CTH: variants seen among roughly 807,000 people sequenced by gnomAD.
CTH encodes cystathionase (cystathionine gamma-lyase).
In CTH, 41 loss-of-function variants were observed where a neutral mutation model predicts 50.6. The observed-to-expected ratio is 0.81, with a 90% CI of 0.63 to 1.05. The LOEUF (loss-of-function observed/expected upper bound fraction) is 1.05, where lower values mean the gene tolerates loss of function less well. Among genes scored for constraint, CTH ranks in the 50% least tolerant of loss-of-function variants. The pLI, the probability that CTH is intolerant of heterozygous loss-of-function variation, is 0.00. For synonymous variants in CTH, 156 were observed against 168.9 expected, an observed-to-expected ratio of 0.92 and a Z score of 0.59; for missense variants, 470 against 492.6, an observed-to-expected ratio of 0.95 and a Z score of 0.43.
chr1:70,430,445 T>C, intron 7 of CTH, 51 bp downstream of exon 7: 1 of 878,254 alleles, frequency 1.1e-6, no homozygotes, highest in South Asian at 1.3e-5. Flanking sequence ...TGACTACATT[T>C]GATATTTGTA....
intron 3 of CTH, among the ~76,000 whole-genome samples, chr1:70,419,185 T>C (rs1388081442): frequency 6.6e-6 from 1 of 152,106 alleles, no homozygotes; most frequent in Non-Finnish European, 1.5e-5. Flanking sequence ...TAGTATTCCA[T>C]GTGTATATGT....
intron 4 of CTH, among the ~76,000 whole-genome samples, chr1:70,423,885 A>G (rs1018976791): frequency 6.6e-6 from 1 of 152,208 alleles, no homozygotes; most frequent in East Asian, 1.9e-4. Context: ...CTCTTTCATT[A>G]AAATTCTAGG....
At position 70,424,332 on chromosome 1, in the gene CTH, C is replaced by T. The variant is rs762305282; in HGVS notation, c.504C>T (p.Asp168=). 2 of 1,614,102 alleles carry T rather than the reference C, an allele frequency of 1.2e-6. No individual in the cohort carries two copies. The highest frequency in any genetic ancestry group is 8.5e-7 in the Non-Finnish European group (1 of 1,179,994). ...TPTNPTQKVI[D]IEGCAHIVHK... ...CAAACCCCACCCAGAAGGTGATTGA[C>T]ATTGAAGGCTGTGCACATATTGTCC... The change falls in exon 5 of 12, where the codon GAC becomes GAT. Residue 168 remains aspartate (D), a synonymous_variant. Transcript: ENST00000370938.
At chr1:70,427,008 A>G (rs180965594) in intron 5 of CTH, among the ~76,000 whole-genome samples, 187 of 152,274 alleles carry the variant, frequency 1.2e-3, no homozygotes, top group African/African-American at 4.3e-3. Context: ...CCGCATGCCA[A>G]TGATTGGAAT....
At chr1:70,418,703 A>C (rs1208617407) in intron 3 of CTH, among the ~76,000 whole-genome samples, 1 of 152,182 alleles carries the variant, frequency 6.6e-6, no homozygotes, top group Admixed American at 6.5e-5. Flanking sequence ...GATGAAATAC[A>C]ACTCAGGTTA....
chr1:70,418,132 A>G, intron 3 of CTH, 100 bp downstream of exon 3: 3 of 1,412,798 alleles, frequency 2.1e-6, no homozygotes, highest in South Asian at 1.2e-5. Flanking sequence ...ATTTTTGATT[A>G]TTTATTATAG....
At chr1:70,433,747 A>G in intron 8 of CTH, 81 bp from the exon 9 acceptor site, 1 of 1,593,986 alleles carries the variant, frequency 6.3e-7, no homozygotes, top group Non-Finnish European at 8.6e-7. Flanking sequence ...AGTTAAGTAG[A>G]CAGTGAAAAA....
At chr1:70,437,417 A>C (rs1194791336) in intron 10 of CTH, among the ~76,000 whole-genome samples, 2 of 152,218 alleles carry the variant, frequency 1.3e-5, no homozygotes, top group Non-Finnish European at 2.9e-5. Flanking sequence ...TCATTAAAAA[A>C]ATGAATTAAT....
intron 10 of CTH, among the ~76,000 whole-genome samples, chr1:70,437,051 A>AG: frequency 6.6e-6 from 1 of 152,248 alleles, no homozygotes; most frequent in Non-Finnish European, 1.5e-5. Flanking sequence ...GCAATATGGG[A>AG]GGAAGGAAGT....
chr1:70,438,033 A>G (rs1334790699), intron 10 of CTH, among the ~76,000 whole-genome samples: 1 of 152,060 alleles, frequency 6.6e-6, no homozygotes, highest in Non-Finnish European at 1.5e-5. Context: ...AAAATATCTC[A>G]TTCTTCTTGG....
In CTH at chr1:70,411,386, T is replaced by TTTTC; in HGVS notation, c.-29_-26dup. The TTTTC allele has an allele frequency of 6.2e-7, 1 of 1,612,858 alleles. No individual in the cohort carries two copies. Among genetic ancestry groups the TTTTC allele is most frequent in the East Asian group, 2.2e-5 (1 of 44,870 alleles). ...TCGACTGGTTATATCTTCGGTGTTC[T>TTTTC]TTTCCTCTCTTCTTCTTTCGCGGTT... On this transcript the variant is annotated 5_prime_UTR_variant, in exon 1 of 12. Transcript: ENST00000370938.
chr1:70,419,989 G>A (rs1038520047), intron 3 of CTH, among the ~76,000 whole-genome samples: 2 of 151,460 alleles, frequency 1.3e-5, no homozygotes, highest in Admixed American at 6.6e-5. Context: ...ACCAGGGACC[G>A]GCGTGTTTTT....
chr1:70,439,147 G>T lies in CTH; in HGVS notation c.*20G>T. On this transcript the variant is annotated 3_prime_UTR_variant, in exon 12 of 12. Coordinates refer to ENST00000370938, the MANE Select transcript of CTH (RefSeq NM_001902.6). ...AGCTAGTATTCCAGAGCTGCTATTAGAAGCTGCTTCCTGTGAAGATCAAAT... is the reference window on the plus strand; with the variant it reads ...AGCTAGTATTCCAGAGCTGCTATTATAAGCTGCTTCCTGTGAAGATCAAAT... The T allele has an allele frequency of 6.2e-7, 1 of 1,608,346 alleles. No homozygotes were observed. The highest frequency in any genetic ancestry group is 8.5e-7 in the Non-Finnish European group (1 of 1,174,730).
At chr1:70,435,079 T>C in intron 9 of CTH, 46 bp from the exon 10 acceptor site, 1 of 1,553,234 alleles carries the variant, frequency 6.4e-7, no homozygotes, top group Admixed American at 1.7e-5. Context: ...GATTTTAGTA[T>C]TTTTATTTTA....
chr1:70,429,968 G>C, intron 6 of CTH, 117 bp downstream of exon 6: 1 of 731,388 alleles, frequency 1.4e-6, no homozygotes, highest in Non-Finnish European at 2.3e-6. Flanking sequence ...CTCATAGAGA[G>C]AGTAAAAAAA....
chr1:70,434,893 CA>C, intron 9 of CTH: 1 of 360,820 alleles, frequency 2.8e-6, no homozygotes, highest in East Asian at 7.1e-5. Flanking sequence ...GCTGGGATTA[CA>C]GGTGCGTGCC....
At chr1:70,413,553 G>C (rs907163042) in intron 1 of CTH, among the ~76,000 whole-genome samples, 9 of 150,998 alleles carry the variant, frequency 6.0e-5, no homozygotes, top group South Asian at 4.2e-4. Flanking sequence ...TGTGAGCCAC[G>C]GCGCCCGGCT....
Position 70,424,421 on chromosome 1 carries a change from A to C in CTH, c.588+5A>C. On this transcript the variant is annotated splice_donor_5th_base_variant and intron_variant, in intron 5 of 11. Coordinates refer to ENST00000370938, the MANE Select transcript of CTH (RefSeq NM_001902.6). ...TTTATGTCACCATATTTCCAGGTAAATGAAAATAATTTTTTTTGGCACAAT... is the reference window on the plus strand; with the variant it reads ...TTTATGTCACCATATTTCCAGGTAACTGAAAATAATTTTTTTTGGCACAAT... 1 of 1,613,868 alleles carries C rather than the reference A, an allele frequency of 6.2e-7. No individual in the cohort carries two copies. Among genetic ancestry groups the C allele is most frequent in the Non-Finnish European group, 8.5e-7 (1 of 1,179,866 alleles).
chr1:70,423,899 T>C (rs1684286298), intron 4 of CTH, among the ~76,000 whole-genome samples: 1 of 152,270 alleles, frequency 6.6e-6, no homozygotes, highest in Non-Finnish European at 1.5e-5. Flanking sequence ...TTCTAGGATG[T>C]ATTCTTACAC....
Sources: allele counts gnomAD v4.1 joint callset (sites outside exome capture counted in the v4.1 genomes callset), GRCh38; gene constraint gnomAD v4.1.1; transcripts MANE v1.5; gene names NCBI Gene and HGNC (gene_info 2026-07-23, HGNC 2026-07-21).